The following FA2H variants were observed in gnomAD, a reference collection of about 807,000 sequenced individuals.
The protein encoded by FA2H is fatty acid 2-hydroxylase, also known as fatty acid alpha-hydroxylase.
Under a neutral mutation model 44.9 loss-of-function variants are expected in FA2H, and 22 were observed. The observed-to-expected ratio is 0.49, with a 90% CI of 0.35 to 0.70. The LOEUF (loss-of-function observed/expected upper bound fraction) is 0.70, where lower values mean the gene tolerates loss of function less well. Among genes scored for constraint, FA2H ranks in the 30% least tolerant of loss-of-function variants. The pLI is 0.01. For synonymous variants in FA2H, 243 were observed against 213.2 expected (o/e 1.14, Z -1.22); for missense variants, 501 against 504.9 (o/e 0.99, Z 0.07).
Position 74,740,013 on chromosome 16 carries a change from T to C in FA2H, c.363+10A>G. 6.2e-7 allele frequency: 1 copy of C among 1,604,262 alleles called. No homozygotes were observed. The highest frequency in any genetic ancestry group is 8.5e-7 in the Non-Finnish European group (1 of 1,171,062). On this transcript the variant is annotated intron_variant, in intron 2 of 6. Transcript: ENST00000219368. ...CCAGTCATCACCCCACTCCATCCTATGCCAGGTACCTTGTCCCAATCCACC... is the reference window on the plus strand; with the variant it reads ...CCAGTCATCACCCCACTCCATCCTACGCCAGGTACCTTGTCCCAATCCACC...
rs56341013 is a variant in FA2H, at chr16:74,720,180, CTTTTTTTTTT to C, written c.614-1030_614-1021del. Among the ~76,000 whole-genome samples the C allele has an allele frequency of 4.0e-4, 19 of 47,240 alleles. No individual in the cohort carries two copies. In the East Asian group the frequency reaches 5.1e-3, roughly 13 times the overall value. The allele number at this position is 47,240 out of a possible 152,430, so 31.0% of individuals were successfully genotyped here. A position where few individuals can be genotyped will look rare whatever the true frequency, so the allele number is the denominator to read the frequency against. On this transcript the variant is annotated intron_variant, in intron 4 of 6. Transcript: ENST00000219368. Reference sequence around the variant, plus strand: ...TTTGCTCCATATATTCATCCTCATCCTTTTTTTTTTTTTTTTTTTTTTTTTTTTTTTGTGA... The same window carrying C: ...TTTGCTCCATATATTCATCCTCATCCTTTTTTTTTTTTTTTTTTTTTGTGA...
At chr16:74,751,025 C>T (rs1962517629) in intron 1 of FA2H, among the ~76,000 whole-genome samples, 1 of 151,974 alleles carries the variant, frequency 6.6e-6, no homozygotes, top group Non-Finnish European at 1.5e-5. Flanking sequence ...TCAGGGGATC[C>T]TTCTACCTCA....
rs767349058 is a variant in FA2H at position 74,773,266 on chromosome 16, T to TTACA, written c.270+1216_270+1219dup. Among the ~76,000 whole-genome samples the TTACA allele has an allele frequency of 1.8e-3, 271 of 152,362 alleles. 1 individual carries two copies. The highest frequency in any genetic ancestry group is 2.0e-3 in the Non-Finnish European group (137 of 68,030). ...AGGGACCACATACAAATAGCTCTTA[T>TTACA]TACAGTATATTGTTGTAACTATTCT... is the stretch of plus-strand genomic sequence containing the variant. On this transcript the variant is annotated intron_variant, in intron 1 of 6. Transcript: ENST00000219368.
At chr16:74,727,714 C>T (rs1189518708) in intron 2 of FA2H, among the ~76,000 whole-genome samples, 1 of 152,220 alleles carries the variant, frequency 6.6e-6, no homozygotes, top group Non-Finnish European at 1.5e-5. Context: ...GCCACCAGCA[C>T]AGAAGATGGC....
At chr16:74,736,756 G>GCCTCCTA (rs1432933364) in intron 2 of FA2H, among the ~76,000 whole-genome samples, 2 of 152,100 alleles carry the variant, frequency 1.3e-5, no homozygotes, top group Non-Finnish European at 2.9e-5. Flanking sequence ...TATCTGCTCA[G>GCCTCCTA]CCTCCTCCCT....
rs1208446986 is a variant in FA2H at position 74,741,808 on chromosome 16, A to ATGTGTGTG, written c.271-1701_271-1694dup. ...TATATATATATATATATATATATAT[A>ATGTGTGTG]TGTGTGTGTGTGTGTGTGTGTGTGT... On this transcript the variant is annotated intron_variant, in intron 1 of 6. Coordinates refer to ENST00000219368, the MANE Select transcript of FA2H (RefSeq NM_024306.5). Among the ~76,000 whole-genome samples, 174 of 48,278 alleles carry ATGTGTGTG rather than the reference A, an allele frequency of 3.6e-3. 2 individuals are homozygous for ATGTGTGTG. The highest frequency in any genetic ancestry group is 7.2e-3 in the East Asian group (12 of 1,666). The allele number at this position is 48,278 out of a possible 152,430, so 31.7% of individuals were successfully genotyped here.
chr16:74,718,947 C>G, intron 5 of FA2H, 41 bp downstream of exon 5: 1 of 1,609,082 alleles, frequency 6.2e-7, no homozygotes, highest in South Asian at 1.1e-5. Context: ...CCCTCTCGGG[C>G]TGCACATGCT....
rs2144616173 is a variant in FA2H, at chr16:74,726,393, TC to T, written c.507-63del. 17 of 1,031,162 alleles carry T rather than the reference TC, an allele frequency of 1.6e-5. No individual in the cohort carries two copies. The South Asian group carries it at 2.2e-4, about 13-fold the overall frequency. The allele number at this position is 1,031,162 out of a possible 1,614,324, so 63.9% of individuals were successfully genotyped here. On this transcript the variant is annotated intron_variant, in intron 3 of 6. Coordinates refer to ENST00000219368, the MANE Select transcript of FA2H (RefSeq NM_024306.5). ...ACAGGAGCTTGACAGAGTACAGCTTTCTTTTTTTTTTTGAGACGGAGTTTCA... is the reference window on the plus strand; with the variant it reads ...ACAGGAGCTTGACAGAGTACAGCTTTTTTTTTTTTTTGAGACGGAGTTTCA...
intron 1 of FA2H, among the ~76,000 whole-genome samples, chr16:74,755,324 C>G (rs1474370510): frequency 6.6e-6 from 1 of 152,116 alleles, no homozygotes; most frequent in East Asian, 1.9e-4. Flanking sequence ...GGACTACACG[C>G]ATGTGCTACC....
chr16:74,735,841 G>A (rs1011872725), intron 2 of FA2H, among the ~76,000 whole-genome samples: 5 of 152,180 alleles, frequency 3.3e-5, no homozygotes, highest in Non-Finnish European at 5.9e-5. Flanking sequence ...AAATTAGCCA[G>A]GCATGGTGGT....
chr16:74,751,756 G>C (rs954203420), intron 1 of FA2H, among the ~76,000 whole-genome samples: 1 of 152,098 alleles, frequency 6.6e-6, no homozygotes, highest in African/African-American at 2.4e-5. Flanking sequence ...TGCTGGGCTG[G>C]GACACAGCTC....
intron 1 of FA2H, 67 bp downstream of exon 1, chr16:74,774,419 G>T: frequency 1.4e-6 from 2 of 1,425,842 alleles, no homozygotes; most frequent in African/African-American, 2.9e-5. Flanking sequence ...AAGTGAACGG[G>T]GCTCGCCCGG....
intron 1 of FA2H, among the ~76,000 whole-genome samples, chr16:74,757,811 G>C (rs1297673258): frequency 6.6e-6 from 1 of 152,144 alleles, no homozygotes; most frequent in Non-Finnish European, 1.5e-5. Flanking sequence ...CAGCCCAGGA[G>C]TTTGAGACCA....
intron 4 of FA2H, among the ~76,000 whole-genome samples, chr16:74,722,220 C>G (rs546769178): frequency 1.3e-5 from 2 of 152,180 alleles, no homozygotes; most frequent in Non-Finnish European, 2.9e-5. Flanking sequence ...GGACTCAGCC[C>G]CTTCATCATC....
Position 74,716,366 on chromosome 16 carries a change from G to T in FA2H, c.1020C>A (p.His340Gln). 6.2e-7 allele frequency: 1 copy of T among 1,614,028 alleles called. No homozygotes were observed. Among genetic ancestry groups the T allele is most frequent in the Non-Finnish European group, 8.5e-7 (1 of 1,179,990 alleles). Residue 340 changes from histidine to glutamine, a missense_variant, in exon 6 of 7, where the codon CAC becomes CAA. His to Gln is a conservative substitution (Grantham distance 24). Transcript: ENST00000219368. ...YSLKAHHVKH[H>Q]FAHQKSGFGI... ...CCTCACCTGACTTCTGATGTGCAAA[G>T]TGGTGCTTGACGTGGTGGGCCTTCA...
At chr16:74,772,232 C>T (rs1459296324) in intron 1 of FA2H, among the ~76,000 whole-genome samples, 10 of 152,218 alleles carry the variant, frequency 6.6e-5, no homozygotes, top group African/African-American at 2.4e-4. Context: ...CCTGCCAGAG[C>T]CTTCACACGT....
chr16:74,734,167 G>A (rs1407456343), intron 2 of FA2H, among the ~76,000 whole-genome samples: 3 of 152,232 alleles, frequency 2.0e-5, no homozygotes, highest in Non-Finnish European at 4.4e-5. Flanking sequence ...TACGTGGCTC[G>A]GGTGGGGGAG....
At chr16:74,761,995 G>C (rs1285712823) in intron 1 of FA2H, among the ~76,000 whole-genome samples, 2 of 152,200 alleles carry the variant, frequency 1.3e-5, no homozygotes, top group African/African-American at 4.8e-5. Flanking sequence ...TCATTTAGGA[G>C]TAAGCTGTGA....
At chr16:74,735,932 G>T (rs542629913) in intron 2 of FA2H, among the ~76,000 whole-genome samples, 1 of 152,302 alleles carries the variant, frequency 6.6e-6, no homozygotes, top group East Asian at 1.9e-4. Context: ...GCAGTGAGCT[G>T]CAATCTTGCC....
Sources: allele counts gnomAD v4.1 joint callset (sites outside exome capture counted in the v4.1 genomes callset), GRCh38; gene constraint gnomAD v4.1.1; transcripts MANE v1.5; gene names NCBI Gene and HGNC (gene_info 2026-07-23, HGNC 2026-07-21).